Variants in HEATR4 observed in about 807,000 individuals in gnomAD.
HEATR4 encodes HEAT repeat containing 4.
In HEATR4, 95 loss-of-function variants were observed where a neutral mutation model predicts 108.8. That is an observed-to-expected ratio of 0.87 (90% CI 0.74 to 1.04). The LOEUF (loss-of-function observed/expected upper bound fraction) is 1.04. HEATR4 is among the 50% of genes least tolerant of loss of function. The pLI, the probability that HEATR4 is intolerant of heterozygous loss-of-function variation, is 0.00. For missense variants in HEATR4, 1,152 were observed against 1,253.8 expected (o/e 0.92, Z 1.23); for synonymous variants, 443 against 459.4 (o/e 0.96, Z 0.46).
chr14:73,588,338 G>C, the HEATR4 span, among the ~76,000 whole-genome samples: 39 of 152,034 alleles, frequency 2.6e-4, no homozygotes, highest in Non-Finnish European at 5.4e-4. Context: ...TCCTGCCCTA[G>C]ATTTCAAAAA....
chr14:73,502,144 T>G (rs1467255169), intron 11 of HEATR4, among the ~76,000 whole-genome samples: 6 of 151,586 alleles, frequency 4.0e-5, no homozygotes, highest in Admixed American at 1.3e-4. Flanking sequence ...TCCTCCTGCT[T>G]CAGAGTCTCA....
intron 12 of HEATR4, among the ~76,000 whole-genome samples, chr14:73,500,277 AC>A (rs1042094923): frequency 2.1e-5 from 3 of 143,478 alleles, no homozygotes; most frequent in African/African-American, 8.0e-5. Context: ...TTATGCACGG[AC>A]CTTTTTTTTT....
At chr14:73,479,394 G>A (rs1308791809) in intron 17 of HEATR4, among the ~76,000 whole-genome samples, 1 of 143,196 alleles carries the variant, frequency 7.0e-6, no homozygotes, top group Non-Finnish European at 1.5e-5. Flanking sequence ...GGATTACGGT[G>A]TCAGCCACTG....
At chr14:73,491,388 C>A in intron 17 of HEATR4, 1 of 1,351,704 alleles carries the variant, frequency 7.4e-7, no homozygotes, top group South Asian at 1.9e-5. Context: ...CGCCTGGTGC[C>A]CGCTTCCGCG....
chr14:73,506,490 G>A lies in HEATR4; in HGVS notation c.1963C>T (p.Arg655Trp), dbSNP rs375723728. ...ACCAAGCAGACATTTCCACTGATCC[G>A]GGAGAAAGCCTGGCAGGCCACAATC... Reference protein sequence around the residue: ...NRIVACQAFSRISGNVCLDMK... With the variant: ...NRIVACQAFSWISGNVCLDMK... Residue 655 changes from arginine (R) to tryptophan (W), a missense_variant, in exon 10 of 18, where the codon CGG (arginine) becomes TGG (tryptophan). Arg to Trp is a moderately radical substitution (Grantham distance 101). Transcript: ENST00000553558. 4.3e-5 allele frequency: 69 copies of A among 1,613,390 alleles called. No homozygotes were observed. Among genetic ancestry groups the A allele is most frequent in the African/African-American group, 2.3e-4 (17 of 74,918 alleles).
chr14:73,581,938 C>G, the HEATR4 span: 4 of 68,022 alleles, frequency 5.9e-5, no homozygotes, highest in Non-Finnish European at 8.4e-5. Flanking sequence ...CACAGTAGCA[C>G]CCCAACCACT....
the HEATR4 span, chr14:73,619,919 C>A: frequency 4.3e-6 from 5 of 1,174,596 alleles, no homozygotes; most frequent in Non-Finnish European, 4.6e-6. Flanking sequence ...TTTCTTTTCT[C>A]TTTTTTTTTT....
chr14:73,562,666 G>A (rs569636047), upstream of HEATR4, among the ~76,000 whole-genome samples: 41 of 152,070 alleles, frequency 2.7e-4, no homozygotes, highest in African/African-American at 7.9e-4. Flanking sequence ...CCTGGCGGGA[G>A]GTCTATAAAC....
rs111538096 is a variant in HEATR4, at chr14:73,544,365, A to G, written c.-151-14121T>C. On this transcript the variant is annotated intron_variant, in intron 1 of 17. Coordinates refer to ENST00000553558, the MANE Select transcript of HEATR4 (RefSeq NM_001220484.1). The stretch of plus-strand genomic sequence containing the variant: ...AAGAAAAGCACATAATATAAAAAGT[A>G]TATCAGATTTGAGTTTCTCCTTTAA... Among the ~76,000 whole-genome samples, 5 of 115,938 alleles carry G rather than the reference A, an allele frequency of 4.3e-5. 1 individual carries two copies. The highest frequency in any genetic ancestry group is 5.4e-4 in the South Asian group (2 of 3,686). The allele number at this position is 115,938 out of a possible 152,430, so 76.1% of individuals were successfully genotyped here. A position where few individuals can be genotyped will look rare whatever the true frequency, so the allele number is the denominator to read the frequency against.
At chr14:73,566,576 G>A in the HEATR4 span, among the ~76,000 whole-genome samples, 24,326 of 152,104 alleles carry the variant, frequency 0.16, 2,402 homozygotes, top group East Asian at 0.33. Context: ...CGCTGGCCCA[G>A]GTGCTAAGCC....
chr14:73,598,894 C>A, the HEATR4 span, among the ~76,000 whole-genome samples: 1 of 151,928 alleles, frequency 6.6e-6, no homozygotes, highest in Non-Finnish European at 1.5e-5. Context: ...ATCTCAGCTA[C>A]TCAGGAGGCT....
the HEATR4 span, among the ~76,000 whole-genome samples, chr14:73,627,106 T>C: frequency 2.0e-5 from 3 of 151,694 alleles, no homozygotes; most frequent in Non-Finnish European, 2.9e-5. Flanking sequence ...CAGCCTTTTA[T>C]TGGGAGAACT....
the HEATR4 span, among the ~76,000 whole-genome samples, chr14:73,568,573 A>G: frequency 2.6e-5 from 4 of 152,042 alleles, no homozygotes; most frequent in Non-Finnish European, 4.4e-5. Flanking sequence ...CTCAAAAAAA[A>G]AAAGTAACCC....
intron 3 of HEATR4, among the ~76,000 whole-genome samples, chr14:73,521,337 C>T (rs1169080578): frequency 2.0e-5 from 3 of 152,080 alleles, no homozygotes; most frequent in Non-Finnish European, 2.9e-5. Flanking sequence ...TTTTAACATT[C>T]GTACTCTTAG....
At chr14:73,526,450 C>A (rs1047073891) in intron 2 of HEATR4, among the ~76,000 whole-genome samples, 9 of 152,220 alleles carry the variant, frequency 5.9e-5, no homozygotes, top group Admixed American at 3.9e-4. Flanking sequence ...CCGCGTGTGA[C>A]ACCAACTGTG....
At chr14:73,585,543 G>A in the HEATR4 span, among the ~76,000 whole-genome samples, 1 of 151,990 alleles carries the variant, frequency 6.6e-6, no homozygotes, top group African/African-American at 2.4e-5. Context: ...AAAATAATTA[G>A]CCGGGCTTGG....
the HEATR4 span, among the ~76,000 whole-genome samples, chr14:73,590,605 A>G: frequency 6.6e-6 from 1 of 152,190 alleles, no homozygotes; most frequent in African/African-American, 2.4e-5. Context: ...GGCGGGCTGC[A>G]GGTCCCGAGC....
the HEATR4 span, among the ~76,000 whole-genome samples, chr14:73,587,136 A>AAAAAAC: frequency 1.1e-5 from 1 of 92,012 alleles, no homozygotes. Context: ...CTGGTGTAAA[A>AAAAAAC]AAAAACAAAA....
chr14:73,484,626 C>T (rs1357147011), intron 17 of HEATR4, among the ~76,000 whole-genome samples: 1 of 151,016 alleles, frequency 6.6e-6, no homozygotes, highest in Non-Finnish European at 1.5e-5. Context: ...GTGATCCTCC[C>T]GCCTCAGCCT....
Sources: gnomAD v4.1 joint callset for allele counts (sites outside exome capture counted in the v4.1 genomes callset) on GRCh38, gnomAD v4.1.1 for gene constraint, MANE v1.5 for transcripts, NCBI Gene and HGNC (gene_info 2026-07-23, HGNC 2026-07-21) for gene names.